The following MGST1 variants were observed in gnomAD, a reference collection of about 807,000 sequenced individuals.
MGST1 encodes microsomal glutathione S-transferase 1, also known as glutathione S-transferase 12.
Under a neutral mutation model 8.9 loss-of-function variants are expected in MGST1, and 5 were observed. The observed-to-expected ratio is 0.56, with a 90% confidence interval of 0.29 to 1.19. The LOEUF (loss-of-function observed/expected upper bound fraction) is 1.19. Ranked by LOEUF, MGST1 falls within the 50% of genes most tolerant of loss-of-function variation. The pLI is 0.08. For synonymous variants in MGST1, 54 were observed against 67.8 expected, an observed-to-expected ratio of 0.80 and a Z score of 1.00; for missense variants, 182 against 187.4, an observed-to-expected ratio of 0.97 and a Z score of 0.17.
chr12:16,447,398 G>A (rs990062858), intron 4 of MGST1, among the ~76,000 whole-genome samples: 2 of 151,942 alleles, frequency 1.3e-5, no homozygotes, highest in African/African-American at 4.8e-5. Flanking sequence ...TTTAGGAGAT[G>A]AGATGAGGGA....
At chr12:16,395,413 C>T (rs1001818894) in intron 1 of MGST1, among the ~76,000 whole-genome samples, 3 of 151,968 alleles carry the variant, frequency 2.0e-5, no homozygotes, top group Non-Finnish European at 4.4e-5. Flanking sequence ...TATGATAAGT[C>T]TTCTTTTAAA....
chr12:16,475,128 C>G (rs992105414), intron 4 of MGST1, among the ~76,000 whole-genome samples: 1 of 152,152 alleles, frequency 6.6e-6, no homozygotes, highest in Non-Finnish European at 1.5e-5. Context: ...AATCATGTTT[C>G]AGAAGGTGCC....
intron 1 of MGST1, among the ~76,000 whole-genome samples, chr12:16,429,676 T>G (rs1271344731): frequency 2.0e-5 from 3 of 152,206 alleles, no homozygotes; most frequent in African/African-American, 4.8e-5. Flanking sequence ...TATGCAATAT[T>G]CTTATGTCTA....
At chr12:16,357,460 G>A in intron 2 of MGST1, 145 bp from the exon 3 acceptor site, 1 of 607,518 alleles carries the variant, frequency 1.6e-6, no homozygotes, top group Admixed American at 3.4e-5. Context: ...GTAGATATGG[G>A]TACTCCCTAT....
Position 16,451,376 on chromosome 12 carries a change from T to C in MGST1, n.482+67772T>C, listed in dbSNP as rs149563382. ...TTTACTATCCTTTAAACTGTCCACA[T>C]ACAATATTATACACACGCAAAGATA... On this transcript the variant is annotated intron_variant and non_coding_transcript_variant, in intron 4 of 4. Transcript: ENST00000538857. 6.6e-5 allele frequency among the ~76,000 whole-genome samples: 10 copies of C among 152,022 alleles called. No individual in the cohort carries two copies. In the East Asian group the frequency reaches 1.9e-3, roughly 30 times the overall value.
At chr12:16,380,565 A>G (rs1215334378), downstream of MGST1, among the ~76,000 whole-genome samples, 1 of 152,090 alleles carries the variant, frequency 6.6e-6, no homozygotes, top group Non-Finnish European at 1.5e-5. Flanking sequence ...ACTTCCAACT[A>G]TGTGGTCGAT....
intron 3 of MGST1, among the ~76,000 whole-genome samples, chr12:16,371,746 T>C (rs1940297637): frequency 2.0e-5 from 3 of 152,104 alleles, no homozygotes; most frequent in Admixed American, 2.0e-4. Flanking sequence ...AAATTTGTTT[T>C]CCTTCCTGTT....
intron 1 of MGST1, among the ~76,000 whole-genome samples, chr12:16,430,838 C>T (rs537363294): frequency 5.5e-4 from 83 of 152,244 alleles, no homozygotes; most frequent in African/African-American, 1.8e-3. Flanking sequence ...ACAGCGAGCC[C>T]GTCCTTTGAA....
chr12:16,422,996 A>G (rs1940851572), intron 1 of MGST1, among the ~76,000 whole-genome samples: 1 of 152,008 alleles, frequency 6.6e-6, no homozygotes, highest in Non-Finnish European at 1.5e-5. Flanking sequence ...CCAGTACTCT[A>G]CCCTGTGAAC....
chr12:16,523,626 T>C (rs1357948185), intron 4 of MGST1, among the ~76,000 whole-genome samples: 1 of 152,128 alleles, frequency 6.6e-6, no homozygotes, highest in East Asian at 1.9e-4. Context: ...CTGTCTTACA[T>C]GCTATTCCAA....
chr12:16,373,838 C>T (rs1399761968), intron 3 of MGST1, among the ~76,000 whole-genome samples: 1 of 151,962 alleles, frequency 6.6e-6, no homozygotes, highest in African/African-American at 2.4e-5. Context: ...ATATGGGATA[C>T]TCAGTAATTT....
In MGST1 at chr12:16,497,990, G is replaced by A. The variant is rs988730050; in HGVS notation, n.483-91538G>A. Among the ~76,000 whole-genome samples the A allele has an allele frequency of 7.2e-5, 11 of 152,166 alleles. No homozygotes were observed. Among genetic ancestry groups the A allele is most frequent in the Middle Eastern group, 3.4e-3 (1 of 294 alleles). On this transcript the variant is annotated intron_variant and non_coding_transcript_variant, in intron 4 of 4. Transcript: ENST00000538857. This position sits in a 1 kb window ranked among gnomAD's most constrained non-coding sequence, Gnocchi z 4.4. ...AAATTGGAAAATAATATACATCTGC[G>A]AATGTCACATTCCTTAAAGCAAAGT... is the stretch of plus-strand genomic sequence containing the variant.
At chr12:16,399,670 C>T (rs1940636069) in intron 1 of MGST1, 2 of 1,546,084 alleles carry the variant, frequency 1.3e-6, no homozygotes, top group East Asian at 2.2e-5. Flanking sequence ...AAAGACCAGA[C>T]ACCTTGTTCG....
intron 4 of MGST1, chr12:16,551,218 T>C: frequency 1.3e-6 from 2 of 1,558,594 alleles, no homozygotes; most frequent in East Asian, 2.2e-5. Flanking sequence ...GTGATGTTGA[T>C]AGATCAGCGA....
At chr12:16,438,447 G>A (rs1941008335) in exon 2 of MGST1, 1 of 151,852 alleles carries the variant, frequency 6.6e-6, no homozygotes, top group African/African-American at 2.4e-5. Flanking sequence ...ATTTAGAAAA[G>A]GGGTTTCAGA....
At chr12:16,368,404 G>C (rs760042172), downstream of MGST1, among the ~76,000 whole-genome samples, 6 of 152,110 alleles carry the variant, frequency 3.9e-5, no homozygotes, top group Non-Finnish European at 8.8e-5. Flanking sequence ...AATTTGCCTT[G>C]GGAGTCTTTA....
At position 16,503,208 on chromosome 12, in the gene MGST1, C is replaced by T. The variant is rs61528576; in HGVS notation, n.483-86320C>T. ...TGTTTCTTCTCTTATTGTTATTCCC[C>T]ACAATAGTTTGGGTTGGACAGGCAA... On this transcript the variant is annotated intron_variant and non_coding_transcript_variant, in intron 4 of 4. Coordinates refer to the MGST1 transcript ENST00000538857. This position sits in a 1 kb window ranked among gnomAD's most constrained non-coding sequence, Gnocchi z 4.8. Among the ~76,000 whole-genome samples the T allele has an allele frequency of 8.6e-3, 1,314 of 152,100 alleles. 17 individuals are homozygous for T. The highest frequency in any genetic ancestry group is 0.03 in the African/African-American group (1,230 of 41,460).
intron 4 of MGST1, among the ~76,000 whole-genome samples, chr12:16,528,305 G>A (rs1359839437): frequency 6.6e-6 from 1 of 151,828 alleles, no homozygotes; most frequent in Non-Finnish European, 1.5e-5. Context: ...CTCAAGATAT[G>A]GTACTCTGGG....
chr12:16,404,523 G>A (rs886176537), intron 1 of MGST1, among the ~76,000 whole-genome samples: 2 of 151,470 alleles, frequency 1.3e-5, no homozygotes, highest in Admixed American at 6.6e-5. Context: ...TATTAGTATA[G>A]AAACTATATA....
Sources: gnomAD v4.1 joint callset for allele counts (sites outside exome capture counted in the v4.1 genomes callset) on GRCh38, gnomAD v4.1.1 for gene constraint, Gnocchi (gnomAD v3.1) non-coding constraint, MANE v1.5 for transcripts, NCBI Gene and HGNC (gene_info 2026-07-23, HGNC 2026-07-21) for gene names.